The following PPP1R9A variants were observed in gnomAD, a reference collection of about 807,000 sequenced individuals.
PPP1R9A encodes protein phosphatase 1 regulatory subunit 9A.
Under a neutral mutation model 141.9 loss-of-function variants are expected in PPP1R9A, and 59 were observed. The ratio of observed to expected loss-of-function variants is 0.42; its 90% CI spans 0.34 to 0.52. The LOEUF is 0.52. Ranked by LOEUF, PPP1R9A falls within the 20% of genes least tolerant of loss-of-function variation. The probability of loss-of-function intolerance (pLI) is 0.10; values close to 1 mark genes in which losing one functional copy is unlikely to be tolerated. For synonymous variants in PPP1R9A, 500 were observed against 569.7 expected, an observed-to-expected ratio of 0.88 and a Z score of 1.74; for missense variants, 1,444 against 1,611.9, an observed-to-expected ratio of 0.90 and a Z score of 1.78.
At chr7:95,048,080 A>C (rs545659650) in intron 2 of PPP1R9A, among the ~76,000 whole-genome samples, 2 of 152,312 alleles carry the variant, frequency 1.3e-5, no homozygotes, top group African/African-American at 4.8e-5. Flanking sequence ...TACTCATCTA[A>C]TTTTATGTAA....
At chr7:95,175,156 T>C (rs1832714265) in intron 5 of PPP1R9A, 1 of 152,138 alleles carries the variant, frequency 6.6e-6, no homozygotes, top group South Asian at 2.1e-4. Flanking sequence ...CCAGCCTACA[T>C]GCAAGGATAG....
At chr7:95,004,548 A>T (rs1420438701) in intron 2 of PPP1R9A, among the ~76,000 whole-genome samples, 1 of 152,182 alleles carries the variant, frequency 6.6e-6, no homozygotes, top group African/African-American at 2.4e-5. Flanking sequence ...GAGCTGCTTA[A>T]AGACTCTGAA....
chr7:95,210,793 T>C (rs776260744), intron 7 of PPP1R9A, among the ~76,000 whole-genome samples: 6 of 152,150 alleles, frequency 3.9e-5, no homozygotes, highest in Admixed American at 6.5e-5. Flanking sequence ...GTGGCACATA[T>C]ACACCATGCA....
intron 2 of PPP1R9A, among the ~76,000 whole-genome samples, chr7:94,937,889 C>T (rs1398821546): frequency 2.6e-5 from 4 of 152,092 alleles, no homozygotes; most frequent in African/African-American, 9.7e-5. Flanking sequence ...TAATGGAGGT[C>T]TTGAATGTGA....
At chr7:94,964,474 A>G (rs113094245) in intron 2 of PPP1R9A, among the ~76,000 whole-genome samples, 3,778 of 152,192 alleles carry the variant, frequency 0.025, 169 homozygotes, top group African/African-American at 0.086. Context: ...TCCTAATGCT[A>G]TCCCTCGCCT....
chr7:95,074,356 T>C (rs941831998), intron 2 of PPP1R9A, among the ~76,000 whole-genome samples: 4 of 152,142 alleles, frequency 2.6e-5, no homozygotes, highest in Non-Finnish European at 5.9e-5. Flanking sequence ...ATTGAAACAA[T>C]GCTGCAAAGA....
chr7:95,198,349 A>T lies in PPP1R9A; in HGVS notation c.1755A>T (p.Arg585Ser), dbSNP rs750639290. ...TTAGTCTTTGTTAACCTTTCCACAG[A>T]TTTGTTATTGGGCGGGAAAAACCAG... ...TVLRNTKGNV[R>S]FVIGREKPGQ... The change falls in exon 6 of 20, where the codon AGA (arginine) becomes AGT (serine). Residue 585 changes from arginine to serine, a missense_variant and splice_region_variant. Coordinates refer to ENST00000433360, the MANE Select transcript of PPP1R9A (RefSeq NM_001166160.2). 1.3e-6 allele frequency: 2 copies of T among 1,599,658 alleles called. No homozygotes were observed. Among genetic ancestry groups the T allele is most frequent in the Non-Finnish European group, 8.5e-7 (1 of 1,175,498 alleles).
chr7:95,190,814 C>A (rs1263992742), intron 5 of PPP1R9A, among the ~76,000 whole-genome samples: 1 of 152,154 alleles, frequency 6.6e-6, no homozygotes, highest in Admixed American at 6.5e-5. Context: ...CATTGTGAGT[C>A]CCCACACATT....
In PPP1R9A at chr7:95,194,563, A is replaced by G. The variant is rs188214386; in HGVS notation, c.1755-3786A>G. Among the ~76,000 whole-genome samples the G allele has an allele frequency of 1.6e-3, 236 of 152,238 alleles. 3 individuals carry two copies. The highest frequency in any genetic ancestry group is 5.6e-3 in the African/African-American group (232 of 41,568). ...TAGTAGATGTGATATTATATATCAA[A>G]TGATTCTAGGAAATCTGCAAAGGTA... On this transcript the variant is annotated intron_variant, in intron 5 of 19. Transcript: ENST00000433360.
chr7:95,039,413 T>C lies in PPP1R9A; in HGVS notation c.1396-71846T>C, dbSNP rs577098210. On this transcript the variant is annotated intron_variant, in intron 2 of 19. Transcript: ENST00000433360. Reference sequence around the variant, plus strand: ...GTGAAACCCCGTCTCTACTTTTTAGTTGGGCTTGGTGGTGTGTGCCTATAA... The same window carrying C: ...GTGAAACCCCGTCTCTACTTTTTAGCTGGGCTTGGTGGTGTGTGCCTATAA... 2.6e-5 allele frequency among the ~76,000 whole-genome samples: 4 copies of C among 151,810 alleles called. No individual in the cohort carries two copies. In the South Asian group the frequency reaches 8.3e-4, roughly 32 times the overall value.
chr7:95,183,252 G>A (rs140205903), intron 5 of PPP1R9A, among the ~76,000 whole-genome samples: 42,495 of 148,858 alleles, frequency 0.29, 7,297 homozygotes, highest in Middle Eastern at 0.44. Context: ...ATTCTCCTGC[G>A]TCACCCTCCC....
At position 94,911,005 on chromosome 7, in the gene PPP1R9A, C is replaced by G. The variant is rs765340205; in HGVS notation, c.892C>G (p.Gln298Glu). The change falls in exon 2 of 20, where the codon CAG (glutamine) becomes GAG (glutamate). Residue 298 changes from glutamine to glutamate, a missense_variant. Coordinates refer to ENST00000433360, the MANE Select transcript of PPP1R9A (RefSeq NM_001166160.2). ...AGCTTCGATACCTGGTGAAGAGATC[C>G]AGCAGAGCAAGGAACCCGAGGACTC... ...SLASIPGEEI[Q>E]QSKEPEDSTS... 8.5e-5 allele frequency: 137 copies of G among 1,613,962 alleles called. No homozygotes were observed. Among genetic ancestry groups the G allele is most frequent in the Non-Finnish European group, 1.2e-4 (136 of 1,180,012 alleles).
At chr7:95,265,095 G>A (rs1490023936) in intron 12 of PPP1R9A, among the ~76,000 whole-genome samples, 2 of 152,068 alleles carry the variant, frequency 1.3e-5, no homozygotes, top group Non-Finnish European at 2.9e-5. Context: ...TTTATTCTTG[G>A]ATATATGTAA....
intron 7 of PPP1R9A, among the ~76,000 whole-genome samples, chr7:95,205,171 A>G (rs1220187732): frequency 1.3e-5 from 2 of 152,218 alleles, no homozygotes; most frequent in Non-Finnish European, 2.9e-5. Context: ...ACAGGTTAGG[A>G]TAGGAACCTT....
At chr7:95,029,087 G>A (rs1807295028) in intron 2 of PPP1R9A, among the ~76,000 whole-genome samples, 1 of 152,174 alleles carries the variant, frequency 6.6e-6, no homozygotes, top group African/African-American at 2.4e-5. Context: ...CTTTTGGAGT[G>A]TAGGTGCTAG....
intron 16 of PPP1R9A, among the ~76,000 whole-genome samples, chr7:95,275,650 CTAAG>C (rs1418084031): frequency 2.0e-5 from 3 of 152,142 alleles, no homozygotes; most frequent in African/African-American, 7.2e-5. Flanking sequence ...ATATCATAGA[CTAAG>C]GAAGAAACAC....
intron 2 of PPP1R9A, among the ~76,000 whole-genome samples, chr7:94,980,280 C>T (rs75985372): frequency 1.5e-4 from 23 of 152,018 alleles, no homozygotes; most frequent in South Asian, 6.2e-4. Flanking sequence ...GGGCCTCATG[C>T]GGCCCGTGGG....
At chr7:95,134,546 C>A (rs1444686014) in intron 4 of PPP1R9A, among the ~76,000 whole-genome samples, 1 of 152,184 alleles carries the variant, frequency 6.6e-6, no homozygotes, top group Non-Finnish European at 1.5e-5. Flanking sequence ...AAGTGATTCT[C>A]CTGTCTCAGC....
intron 2 of PPP1R9A, among the ~76,000 whole-genome samples, chr7:94,912,734 C>T (rs891296989): frequency 6.6e-6 from 1 of 152,058 alleles, no homozygotes; most frequent in Non-Finnish European, 1.5e-5. Flanking sequence ...AGCAGGCAGA[C>T]TTTCATTTTA....
Sources: allele counts gnomAD v4.1 joint callset (sites outside exome capture counted in the v4.1 genomes callset), GRCh38; gene constraint gnomAD v4.1.1; transcripts MANE v1.5; gene names NCBI Gene and HGNC (gene_info 2026-07-23, HGNC 2026-07-21).